Variants in CUL3 observed in about 807,000 individuals in gnomAD.
The protein encoded by CUL3 is cullin-3.
Under a neutral mutation model 89.1 loss-of-function variants are expected in CUL3, and 19 were observed. That is an observed-to-expected ratio of 0.21 (90% CI 0.15 to 0.31). The LOEUF (loss-of-function observed/expected upper bound fraction) is 0.31, where lower values mean the gene tolerates loss of function less well. Ranked by LOEUF, CUL3 falls within the 10% of genes least tolerant of loss-of-function variation. The probability of loss-of-function intolerance (pLI) is 1.00; values close to 1 mark genes in which losing one functional copy is unlikely to be tolerated. For missense variants in CUL3, 469 were observed against 942.3 expected (o/e 0.50, Z 6.58); for synonymous variants, 351 against 308.4 (o/e 1.14, Z -1.45).
chr2:224,494,953 C>G (rs1353902994), intron 13 of CUL3: 1 of 151,718 alleles, frequency 6.6e-6, no homozygotes, highest in East Asian at 1.9e-4. Context: ...AAAAGGCAAG[C>G]AACAGACTGA....
intron 2 of CUL3, among the ~76,000 whole-genome samples, chr2:224,556,900 A>G (rs2106302533): frequency 6.6e-6 from 1 of 152,250 alleles, no homozygotes; most frequent in Non-Finnish European, 1.5e-5. Flanking sequence ...ATCTAGGTGA[A>G]GGGTACACAA....
At chr2:224,498,776 T>C (rs762991891) in intron 11 of CUL3, among the ~76,000 whole-genome samples, 8 of 152,186 alleles carry the variant, frequency 5.3e-5, no homozygotes, top group Non-Finnish European at 1.0e-4. Context: ...GTATACAAGA[T>C]TAATGGATTA....
intron 2 of CUL3, among the ~76,000 whole-genome samples, chr2:224,553,574 T>C (rs1437367564): frequency 1.3e-5 from 2 of 152,226 alleles, no homozygotes; most frequent in Non-Finnish European, 2.9e-5. Flanking sequence ...TTCAAATTCA[T>C]ATTATGAAAC....
chr2:224,541,096 G>T (rs1192360985), intron 2 of CUL3, among the ~76,000 whole-genome samples: 1 of 151,412 alleles, frequency 6.6e-6, no homozygotes, highest in African/African-American at 2.4e-5. Context: ...ATTTATAAAA[G>T]AAAAAATGCT....
chr2:224,555,548 A>G (rs1345991866), intron 2 of CUL3, among the ~76,000 whole-genome samples: 1 of 152,146 alleles, frequency 6.6e-6, no homozygotes, highest in African/African-American at 2.4e-5. Flanking sequence ...TTTAGTCCAA[A>G]TTACTTAGTC....
chr2:224,500,551 A>C, intron 10 of CUL3, 64 bp from the exon 11 acceptor site: 1 of 1,527,338 alleles, frequency 6.5e-7, no homozygotes, highest in Admixed American at 1.7e-5. Context: ...TGTTCTGTTT[A>C]GACATTGTGT....
rs577454185 is a variant in CUL3 at position 224,508,081 on chromosome 2, T to C, written c.884-1078A>G. Among the ~76,000 whole-genome samples the C allele has an allele frequency of 4.7e-5, 7 of 150,204 alleles. No individual in the cohort carries two copies. In the South Asian group the frequency reaches 1.1e-3, roughly 23 times the overall value. ...AAACTTCATGGACCCTGAAAATTTA[T>C]ATAAATTTTCATGTGTAAATACTCT... On this transcript the variant is annotated intron_variant, in intron 6 of 15. Transcript: ENST00000264414.
intron 2 of CUL3, among the ~76,000 whole-genome samples, chr2:224,550,380 T>A (rs1343840144): frequency 6.6e-6 from 1 of 152,220 alleles, no homozygotes; most frequent in East Asian, 1.9e-4. Flanking sequence ...TTTTCCACTG[T>A]GGCATCATGT....
intron 1 of CUL3, among the ~76,000 whole-genome samples, chr2:224,576,996 C>T (rs1302274029): frequency 6.6e-6 from 1 of 152,126 alleles, no homozygotes; most frequent in East Asian, 1.9e-4. Flanking sequence ...GCTCTGCAGG[C>T]TTTTCAAAAC....
intron 2 of CUL3, among the ~76,000 whole-genome samples, chr2:224,536,010 T>C (rs888692796): frequency 5.3e-5 from 8 of 152,140 alleles, no homozygotes; most frequent in Non-Finnish European, 7.3e-5. Flanking sequence ...TTCCCCAACT[T>C]TGAATAATGG....
At chr2:224,515,286 G>A (rs1692998192) in intron 3 of CUL3, among the ~76,000 whole-genome samples, 1 of 152,192 alleles carries the variant, frequency 6.6e-6, no homozygotes, top group Non-Finnish European at 1.5e-5. Flanking sequence ...TCTACTTACT[G>A]TCACTTCAAA....
intron 1 of CUL3, among the ~76,000 whole-genome samples, chr2:224,561,762 A>G (rs568951950): frequency 6.6e-6 from 1 of 152,320 alleles, no homozygotes; most frequent in African/African-American, 2.4e-5. Flanking sequence ...TTTCACAAAC[A>G]GAAGATTCAA....
intron 3 of CUL3, among the ~76,000 whole-genome samples, chr2:224,526,600 AAAAAAAAAAAAG>A (rs1693486804): frequency 2.0e-5 from 3 of 149,438 alleles, no homozygotes; most frequent in Admixed American, 1.3e-4. Context: ...AAAAAAAAAA[AAAAAAAAAAAAG>A]AAAAGAAAAA....
At chr2:224,546,808 T>C (rs1574680483) in intron 2 of CUL3, among the ~76,000 whole-genome samples, 1 of 152,158 alleles carries the variant, frequency 6.6e-6, no homozygotes, top group South Asian at 2.1e-4. Context: ...TCCCTTTCAA[T>C]GTAGAAACCA....
chr2:224,524,334 G>A (rs1458111915), intron 3 of CUL3, among the ~76,000 whole-genome samples: 1 of 152,088 alleles, frequency 6.6e-6, no homozygotes, highest in Admixed American at 6.6e-5. Context: ...CTGAAGAGGA[G>A]AGAAACACAA....
In CUL3 at chr2:224,514,631, T is replaced by G. The variant is rs1298693260; in HGVS notation, c.520A>C (p.Lys174Gln). The G allele has an allele frequency of 6.2e-7, 1 of 1,612,672 alleles. No homozygotes were observed. The highest frequency in any genetic ancestry group is 8.5e-7 in the Non-Finnish European group (1 of 1,179,206). Residue 174 changes from lysine to glutamine, a missense_variant, in exon 4 of 16, where the codon AAA becomes CAA. By Grantham distance (53) the Lys-to-Gln change is moderately conservative. This residue lies in a region of CUL3 where 370 missense variants were observed against 733.2 expected (regional missense o/e 0.50). Coordinates refer to ENST00000264414, the MANE Select transcript of CUL3 (RefSeq NM_003590.5). Reference protein sequence around the residue: ...TLLDMIARERKGEVVDRGAIR... With the variant: ...TLLDMIARERQGEVVDRGAIR... ...TTTTACCTGTCTACGACTTCTCCTT[T>G]CCGCTCTCTTGCAATCATATCCAAT...
intron 3 of CUL3, among the ~76,000 whole-genome samples, chr2:224,521,749 A>C (rs903565090): frequency 6.6e-6 from 1 of 151,650 alleles, no homozygotes; most frequent in African/African-American, 2.4e-5. Flanking sequence ...TTATTCATCT[A>C]TCCTCTGCCT....
At chr2:224,549,651 G>A (rs987722433) in intron 2 of CUL3, among the ~76,000 whole-genome samples, 2 of 152,092 alleles carry the variant, frequency 1.3e-5, no homozygotes, top group African/African-American at 4.8e-5. Context: ...GTGCTCAACA[G>A]GAGTTAGAAG....
intron 2 of CUL3, among the ~76,000 whole-genome samples, chr2:224,546,668 G>A (rs1223674543): frequency 2.8e-5 from 2 of 71,328 alleles, no homozygotes; most frequent in South Asian, 4.3e-4. Flanking sequence ...GAAATAGGAT[G>A]GGGGGGGGTA....
Sources: allele counts gnomAD v4.1 joint callset (sites outside exome capture counted in the v4.1 genomes callset), GRCh38; gene constraint gnomAD v4.1.1; regional missense constraint gnomAD v4.1.1; transcripts MANE v1.5; gene names NCBI Gene and HGNC (gene_info 2026-07-23, HGNC 2026-07-21).